IGSF11: variants seen among roughly 807,000 people sequenced by gnomAD.
IGSF11 encodes immunoglobulin superfamily member 11, also known as CXADR like 1.
Under a neutral mutation model 41.0 loss-of-function variants are expected in IGSF11, and 22 were observed. That is an observed-to-expected ratio of 0.54 (90% confidence interval 0.38 to 0.77). IGSF11 has a LOEUF of 0.77. IGSF11 is among the 30% of genes least tolerant of loss of function. The pLI, the probability that IGSF11 is intolerant of heterozygous loss-of-function variation, is 0.00. For synonymous variants in IGSF11, 219 were observed against 201.3 expected (o/e 1.09, Z -0.74); for missense variants, 444 against 530.8 (o/e 0.84, Z 1.61).
chr3:119,117,149 C>A (rs558337807), intron 1 of IGSF11, among the ~76,000 whole-genome samples: 1 of 152,088 alleles, frequency 6.6e-6, no homozygotes, highest in South Asian at 2.1e-4. Context: ...GCAGGAAGAA[C>A]CCCTCAGATG....
At chr3:119,136,300 G>T (rs562250961) in intron 1 of IGSF11, among the ~76,000 whole-genome samples, 1 of 151,982 alleles carries the variant, frequency 6.6e-6, no homozygotes, top group South Asian at 2.1e-4. Context: ...CAAAACAGCA[G>T]GAATCAGTTC....
upstream of IGSF11, among the ~76,000 whole-genome samples, chr3:119,036,898 G>A (rs1940935174): frequency 6.6e-6 from 1 of 152,060 alleles, no homozygotes; most frequent in Non-Finnish European, 1.5e-5. Context: ...AAAAAAAAAA[G>A]TGTGGCTTCT....
At chr3:119,142,171 A>G in intron 1 of IGSF11, among the ~76,000 whole-genome samples, 1 of 151,424 alleles carries the variant, frequency 6.6e-6, no homozygotes, top group East Asian at 2.0e-4. Flanking sequence ...GCTACTCGGG[A>G]GGCTGAAGCA....
At position 119,072,050 on chromosome 3, in the gene IGSF11, T is replaced by C. The variant is rs139463654; in HGVS notation, c.49+33094A>G. ...CACAGGAATAAAAAATAAGAGACTC[T>C]AGGAGAATATTCCAAGAAAAGAAAA... is the stretch of plus-strand genomic sequence containing the variant. On this transcript the variant is annotated intron_variant, in intron 1 of 6. Transcript: ENST00000354673. 6.8e-4 allele frequency among the ~76,000 whole-genome samples: 103 copies of C among 152,338 alleles called. No individual in the cohort carries two copies. In the East Asian group the frequency reaches 0.012, roughly 17 times the overall value.
chr3:119,050,539 C>T (rs1049888473), intron 1 of IGSF11, among the ~76,000 whole-genome samples: 1 of 151,716 alleles, frequency 6.6e-6, no homozygotes, highest in African/African-American at 2.4e-5. Context: ...CACTTTTACA[C>T]TGTTAGTGGG....
intron 4 of IGSF11, among the ~76,000 whole-genome samples, chr3:118,911,377 A>G (rs1196933997): frequency 2.6e-5 from 4 of 152,164 alleles, no homozygotes; most frequent in Non-Finnish European, 5.9e-5. Flanking sequence ...GAAAAAAATT[A>G]TGGAACCACT....
Position 118,928,623 on chromosome 3 carries a change from A to C in IGSF11, c.310T>G (p.Ser104Ala). 6.2e-7 allele frequency: 1 copy of C among 1,614,090 alleles called. No individual in the cohort carries two copies. Among genetic ancestry groups the C allele is most frequent in the Non-Finnish European group, 8.5e-7 (1 of 1,179,992 alleles). ...AACTGAGTGTTATTAATGAAGATAG[A>C]GACATTGGTAGCTGGCATGGTGCCT... ...FTGTMPATNV[S>A]IFINNTQLSD... Residue 104 changes from serine to alanine, a missense_variant, in exon 3 of 7, where the codon TCT becomes GCT. By Grantham distance (99) the Ser-to-Ala change is moderately conservative. This residue lies in a region of IGSF11 where 193 missense variants were observed against 283.5 expected (regional missense o/e 0.68). Coordinates refer to ENST00000393775, the MANE Select transcript of IGSF11 (RefSeq NM_001015887.3).
chr3:119,002,499 G>C (rs964444350), intron 1 of IGSF11, among the ~76,000 whole-genome samples: 1 of 129,114 alleles, frequency 7.7e-6, no homozygotes, highest in Non-Finnish European at 1.6e-5. Context: ...TGTCAATTTT[G>C]GCTTTTGTTG....
intron 1 of IGSF11, among the ~76,000 whole-genome samples, chr3:118,940,388 T>A (rs1006903138): frequency 2.0e-5 from 3 of 152,260 alleles, no homozygotes; most frequent in African/African-American, 7.2e-5. Context: ...ACAGTAGCAA[T>A]GAATATTTGG....
chr3:118,925,867 G>A (rs1222115477), intron 4 of IGSF11: 2 of 273,204 alleles, frequency 7.3e-6, no homozygotes, highest in African/African-American at 2.2e-5. Flanking sequence ...CACGTGAATG[G>A]GAACAGTTTC....
At chr3:118,904,990 A>C (rs1268105014) in intron 5 of IGSF11, among the ~76,000 whole-genome samples, 192 bp from the exon 6 acceptor site, 1 of 152,212 alleles carries the variant, frequency 6.6e-6, no homozygotes, top group East Asian at 1.9e-4. Context: ...GGACTAACAC[A>C]TAGTAGGCTC....
intron 4 of IGSF11, among the ~76,000 whole-genome samples, chr3:118,912,979 G>A (rs1451604227): frequency 6.6e-6 from 1 of 151,968 alleles, no homozygotes. Flanking sequence ...CAGCCTGGAT[G>A]ACAGAACGAG....
chr3:119,066,026 A>AT (rs1448653307), intron 1 of IGSF11, among the ~76,000 whole-genome samples: 2 of 152,118 alleles, frequency 1.3e-5, no homozygotes, highest in Non-Finnish European at 2.9e-5. Flanking sequence ...GGTTAGTAGT[A>AT]TTTTTTTAAA....
chr3:119,107,852 C>T (rs2077062455), upstream of IGSF11, among the ~76,000 whole-genome samples: 2 of 148,754 alleles, frequency 1.3e-5, no homozygotes, highest in South Asian at 4.3e-4. Context: ...GGAATCCTTT[C>T]CCCATTGCTT....
rs767307729 is a variant in IGSF11, at chr3:119,010,122, G to A, written c.52+24409C>T. Among the ~76,000 whole-genome samples, 3 of 152,162 alleles carry A rather than the reference G, an allele frequency of 2.0e-5. No homozygotes were observed. In the South Asian group the frequency reaches 6.2e-4, roughly 31 times the overall value. ...CATCCTATTGGCCTCCTTCTGGGGC[G>A]CTGTGAAGTGTCAATTTGTTTTCCT... On this transcript the variant is annotated intron_variant, in intron 1 of 6. Coordinates refer to ENST00000393775, the MANE Select transcript of IGSF11 (RefSeq NM_001015887.3).
At chr3:119,001,337 G>T (rs535047538) in intron 1 of IGSF11, among the ~76,000 whole-genome samples, 3 of 151,446 alleles carry the variant, frequency 2.0e-5, no homozygotes, top group African/African-American at 7.3e-5. Flanking sequence ...ATTCCACATG[G>T]GCAGGGAACT....
At chr3:119,068,170 G>T (rs747180789) in intron 1 of IGSF11, among the ~76,000 whole-genome samples, 1 of 152,196 alleles carries the variant, frequency 6.6e-6, no homozygotes, top group African/African-American at 2.4e-5. Context: ...AAAGGAGACC[G>T]TCCATAGAGC....
chr3:119,062,529 G>T (rs180901083), intron 1 of IGSF11, among the ~76,000 whole-genome samples: 1 of 152,278 alleles, frequency 6.6e-6, no homozygotes, highest in East Asian at 1.9e-4. Flanking sequence ...ATCAGATCAT[G>T]CAAAATACAT....
In IGSF11 at chr3:119,119,555, T is replaced by G. The variant is rs945277350; in HGVS notation, c.-13-14350A>C. Among the ~76,000 whole-genome samples the G allele has an allele frequency of 2.0e-5, 3 of 152,168 alleles. No individual in the cohort carries two copies. In the East Asian group the frequency reaches 5.8e-4, roughly 29 times the overall value. ...CAGGGTTGTCTGTGATATTTTAAAC[T>G]TGGGTCTATTCCCATGACTCCTCCC... On this transcript the variant is annotated intron_variant, in intron 1 of 7. Coordinates refer to the IGSF11 transcript ENST00000425327.
Sources: allele counts gnomAD v4.1 joint callset (sites outside exome capture counted in the v4.1 genomes callset), GRCh38; gene constraint gnomAD v4.1.1; regional missense constraint gnomAD v4.1.1; transcripts MANE v1.5; gene names NCBI Gene and HGNC (gene_info 2026-07-23, HGNC 2026-07-21).